Variants in LRP1B observed in about 807,000 individuals in gnomAD.
LRP1B encodes low-density lipoprotein receptor-related protein 1B.
LRP1B carries 217 observed loss-of-function variants against 556.6 expected under a neutral mutation model. The ratio of observed to expected loss-of-function variants is 0.39; its 90% CI spans 0.35 to 0.44. The LOEUF (loss-of-function observed/expected upper bound fraction) is 0.44. Ranked by LOEUF, LRP1B falls within the 20% of genes least tolerant of loss-of-function variation. The pLI, the probability that LRP1B is intolerant of heterozygous loss-of-function variation, is 1.00. For missense variants in LRP1B, 5,053 were observed against 5,620.8 expected, an observed-to-expected ratio of 0.90 and a Z score of 3.23; for synonymous variants, 2,047 against 1,865.8, an observed-to-expected ratio of 1.10 and a Z score of -2.50.
At chr2:140,518,116 AT>A (rs1428150674) in intron 49 of LRP1B, among the ~76,000 whole-genome samples, 1 of 152,150 alleles carries the variant, frequency 6.6e-6, no homozygotes, top group African/African-American at 2.4e-5. Flanking sequence ...TAGTGTATAT[AT>A]CCCAATCACA....
chr2:140,565,975 T>G (rs1681110410), intron 43 of LRP1B, among the ~76,000 whole-genome samples: 1 of 151,960 alleles, frequency 6.6e-6, no homozygotes, highest in Non-Finnish European at 1.5e-5. Flanking sequence ...CTGCCTGGAG[T>G]CCACACGGCT....
intron 1 of LRP1B, among the ~76,000 whole-genome samples, chr2:141,862,504 G>C (rs1165762810): frequency 6.6e-6 from 1 of 152,154 alleles, no homozygotes; most frequent in African/African-American, 2.4e-5. Flanking sequence ...CCGCCTCCCA[G>C]TTCAAGCAAT....
chr2:141,938,692 T>A (rs1246083984), intron 1 of LRP1B, among the ~76,000 whole-genome samples: 1 of 152,124 alleles, frequency 6.6e-6, no homozygotes, highest in Non-Finnish European at 1.5e-5. Context: ...ACAACCTAAG[T>A]GTCTGTCAAC....
At position 140,231,902 on chromosome 2, in the gene LRP1B, C is replaced by T. The variant is rs961605998; in HGVS notation, c.*1284G>A. 5 of 151,626 alleles carry T rather than the reference C, an allele frequency of 3.3e-5. No individual in the cohort carries two copies. The highest frequency in any genetic ancestry group is 5.9e-5 in the Non-Finnish European group (4 of 67,532). 9.4% of individuals were successfully genotyped at this position (151,626 alleles called of 1,614,324 possible). A position where few individuals can be genotyped will look rare whatever the true frequency, so the allele number is the denominator to read the frequency against. ...CTTTAAAGATATTTGTATAAAAATG[C>T]TATCCTTTTATTTTTATATACAACT... On this transcript the variant is annotated 3_prime_UTR_variant, in exon 91 of 91. Transcript: ENST00000389484.
intron 41 of LRP1B, among the ~76,000 whole-genome samples, chr2:140,631,713 G>A (rs1392479873): frequency 6.6e-6 from 1 of 151,876 alleles, no homozygotes; most frequent in Admixed American, 6.6e-5. Context: ...AAATGAGAAG[G>A]AAGAGACAGC....
At chr2:141,789,738 T>C (rs1574361602) in intron 2 of LRP1B, among the ~76,000 whole-genome samples, 2 of 152,086 alleles carry the variant, frequency 1.3e-5, no homozygotes, top group African/African-American at 4.8e-5. Flanking sequence ...TGTGGTAGTA[T>C]TGGTAAGGTG....
intron 1 of LRP1B, among the ~76,000 whole-genome samples, chr2:141,867,568 G>T (rs1991999): frequency 0.3 from 46,211 of 151,926 alleles, 8,139 homozygotes; most frequent in Middle Eastern, 0.45. Flanking sequence ...GATGACTAAG[G>T]TATGTCTTAT....
intron 3 of LRP1B, among the ~76,000 whole-genome samples, chr2:141,282,992 T>C (rs1032015431): frequency 1.3e-5 from 2 of 152,156 alleles, no homozygotes; most frequent in Non-Finnish European, 2.9e-5. Context: ...TCCTAGATTG[T>C]AAAGTCCTTG....
At chr2:140,421,921 G>T (rs373426918) in intron 66 of LRP1B, among the ~76,000 whole-genome samples, 1 of 152,130 alleles carries the variant, frequency 6.6e-6, no homozygotes, top group African/African-American at 2.4e-5. Flanking sequence ...TCCTGCAGAC[G>T]AAGGGATGAA....
chr2:141,890,652 T>A (rs377592912), intron 1 of LRP1B, among the ~76,000 whole-genome samples: 33 of 152,038 alleles, frequency 2.2e-4, no homozygotes, highest in African/African-American at 6.7e-4. Context: ...ATTTATGTGG[T>A]CCCGACTATC....
intron 41 of LRP1B, among the ~76,000 whole-genome samples, chr2:140,688,124 TA>T (rs932701037): frequency 1.4e-4 from 21 of 148,922 alleles, no homozygotes; most frequent in Middle Eastern, 3.5e-3. Flanking sequence ...GTCAAAACTA[TA>T]AAAAAAAAAT....
At chr2:140,753,087 T>C (rs1391448727) in intron 35 of LRP1B, among the ~76,000 whole-genome samples, 6 of 152,344 alleles carry the variant, frequency 3.9e-5, no homozygotes, top group South Asian at 2.1e-4. Flanking sequence ...ACTGTCTCCA[T>C]AGTTTTACAT....
At chr2:141,280,138 G>A (rs140394824) in intron 3 of LRP1B, among the ~76,000 whole-genome samples, 12 of 152,138 alleles carry the variant, frequency 7.9e-5, no homozygotes, top group Non-Finnish European at 1.3e-4. Context: ...ACTACGTTGC[G>A]TGAATTTTTC....
chr2:140,475,384 G>T, intron 59 of LRP1B, 47 bp from the exon 60 acceptor site: 1 of 1,405,578 alleles, frequency 7.1e-7, no homozygotes, highest in Non-Finnish European at 9.8e-7. Flanking sequence ...TTCTCTGGGA[G>T]CAAAACAACA....
chr2:140,284,363 A>G (rs1278686247), intron 84 of LRP1B, among the ~76,000 whole-genome samples: 5 of 145,926 alleles, frequency 3.4e-5, no homozygotes, highest in Non-Finnish European at 7.5e-5. Flanking sequence ...CGAAAACTGG[A>G]AAGGAATTCA....
At chr2:140,846,584 C>T (rs896094241) in intron 29 of LRP1B, among the ~76,000 whole-genome samples, 6 of 151,798 alleles carry the variant, frequency 4.0e-5, no homozygotes, top group Admixed American at 3.3e-4. Flanking sequence ...AAGAAAATGG[C>T]CCACTTGAGA....
At chr2:141,890,030 C>A (rs985942600) in intron 1 of LRP1B, among the ~76,000 whole-genome samples, 1 of 142,998 alleles carries the variant, frequency 7.0e-6, no homozygotes, top group Non-Finnish European at 1.5e-5. Context: ...TTATTCCTTG[C>A]AGTTTTTCAT....
intron 43 of LRP1B, among the ~76,000 whole-genome samples, chr2:140,542,205 AC>A (rs1680163145): frequency 6.6e-6 from 1 of 152,084 alleles, no homozygotes; most frequent in East Asian, 1.9e-4. Context: ...TTTCAAGTAT[AC>A]TTTTATTTAA....
chr2:141,053,233 C>T (rs1414320212), intron 10 of LRP1B, among the ~76,000 whole-genome samples: 1 of 151,944 alleles, frequency 6.6e-6, no homozygotes, highest in East Asian at 2.0e-4. Flanking sequence ...ATCAGATATG[C>T]TAGCTCAAGT....
Sources: gnomAD v4.1 joint callset for allele counts (sites outside exome capture counted in the v4.1 genomes callset) on GRCh38, gnomAD v4.1.1 for gene constraint, MANE v1.5 for transcripts, NCBI Gene and HGNC (gene_info 2026-07-23, HGNC 2026-07-21) for gene names.